Variants in GPM6B observed in about 807,000 individuals in gnomAD.
The protein encoded by GPM6B is neuronal membrane glycoprotein M6-b.
Under a neutral mutation model 27.2 loss-of-function variants are expected in GPM6B, and 4 were observed. The ratio of observed to expected loss-of-function variants is 0.15; its 90% CI spans 0.07 to 0.34. The LOEUF (loss-of-function observed/expected upper bound fraction) is 0.34, where lower values mean the gene tolerates loss of function less well. Among genes scored for constraint, GPM6B ranks in the 10% least tolerant of loss-of-function variants. The pLI is 1.00. For missense variants in GPM6B, 183 were observed against 261.9 expected, an observed-to-expected ratio of 0.70 and a Z score of 2.08; for synonymous variants, 124 against 103.1, an observed-to-expected ratio of 1.20 and a Z score of -1.23.
chrX:13,802,310 T>C (rs978976101), intron 2 of GPM6B, among the ~76,000 whole-genome samples: 2 of 110,560 alleles, frequency 1.8e-5, no homozygotes, highest in African/African-American at 6.6e-5. Flanking sequence ...AGATCAACAC[T>C]CAATACTCAT....
At chrX:13,774,783 A>C (rs1330620272) in intron 7 of GPM6B, among the ~76,000 whole-genome samples, 1 of 111,894 alleles carries the variant, frequency 8.9e-6, no homozygotes, top group Non-Finnish European at 1.9e-5. Flanking sequence ...TAGCACACAC[A>C]AACTTTTTCT....
intron 1 of GPM6B, among the ~76,000 whole-genome samples, chrX:13,895,793 A>T (rs1435513191): frequency 9.1e-6 from 1 of 110,076 alleles, no homozygotes; most frequent in African/African-American, 3.3e-5. Context: ...CTTGGGGCAG[A>T]AACAGTAGGA....
rs751642623 is a variant in GPM6B, at chrX:13,842,913, TAACA to T, written c.-197-57109_-197-57106del. On this transcript the variant is annotated intron_variant, in intron 1 of 6. Transcript: ENST00000398361. ...ACGATGAAGCCAAAACTCATTTTTT[TAACA>T]AACACCTTTATTATCATTGACATAC... 4.7e-3 allele frequency among the ~76,000 whole-genome samples: 526 copies of T among 111,939 alleles called. 3 individuals are homozygous for T. The highest frequency in any genetic ancestry group is 0.016 in the African/African-American group (492 of 30,784).
chrX:13,857,328 A>G (rs1401276700), intron 1 of GPM6B, among the ~76,000 whole-genome samples: 2 of 112,337 alleles, frequency 1.8e-5, no homozygotes, highest in Non-Finnish European at 3.8e-5. Context: ...GTGAGGCAAT[A>G]ATTACTAGCC....
intron 1 of GPM6B, among the ~76,000 whole-genome samples, chrX:13,908,663 A>G (rs1255487203): frequency 8.9e-6 from 1 of 112,588 alleles, no homozygotes; most frequent in Non-Finnish European, 1.9e-5. Flanking sequence ...TACTAAGATT[A>G]TGTAAGTTGT....
chrX:13,880,804 C>T (rs1307358185), intron 1 of GPM6B, among the ~76,000 whole-genome samples: 1 of 110,526 alleles, frequency 9.0e-6, no homozygotes, highest in Admixed American at 9.6e-5. Flanking sequence ...CCCCTGCCTG[C>T]TTATTGACCT....
chrX:13,820,603 G>A (rs1169342442), upstream of GPM6B, among the ~76,000 whole-genome samples: 1 of 110,679 alleles, frequency 9.0e-6, no homozygotes, highest in Non-Finnish European at 1.9e-5. Context: ...CTTCTCAGGG[G>A]ACTCTCCCTG....
At chrX:13,811,038 G>A (rs976985552) in intron 1 of GPM6B, among the ~76,000 whole-genome samples, 2 of 112,334 alleles carry the variant, frequency 1.8e-5, no homozygotes, top group African/African-American at 6.5e-5. Flanking sequence ...ATTCCAAGAG[G>A]ATGCCTTGGC....
intron 1 of GPM6B, among the ~76,000 whole-genome samples, chrX:13,878,380 G>C (rs1191960042): frequency 3.6e-5 from 4 of 110,612 alleles, no homozygotes; most frequent in Non-Finnish European, 7.6e-5. Flanking sequence ...GAACAGAGCA[G>C]AGGGGTCTGG....
At chrX:13,845,655 T>C (rs2049637215) in intron 1 of GPM6B, among the ~76,000 whole-genome samples, 2 of 111,815 alleles carry the variant, frequency 1.8e-5, no homozygotes, top group African/African-American at 6.5e-5. Context: ...ACCACTTCTA[T>C]GGGATGCTTT....
At chrX:13,823,346 G>A (rs997383227) in intron 1 of GPM6B, among the ~76,000 whole-genome samples, 3 of 111,994 alleles carry the variant, frequency 2.7e-5, no homozygotes, top group African/African-American at 6.5e-5. Context: ...GAGCACACAT[G>A]GAACCTCTGT....
intron 7 of GPM6B, chrX:13,773,698 T>C (rs2048346391): frequency 9.0e-6 from 1 of 111,444 alleles, no homozygotes; most frequent in Non-Finnish European, 1.9e-5. Flanking sequence ...CTTTCCTATT[T>C]TCCTCGTATT....
At chrX:13,827,000 C>T (rs1242334198) in intron 1 of GPM6B, among the ~76,000 whole-genome samples, 1 of 110,232 alleles carries the variant, frequency 9.1e-6, no homozygotes, top group African/African-American at 3.3e-5. Context: ...GTTTAACCGC[C>T]GTTATTGGAA....
intron 7 of GPM6B, among the ~76,000 whole-genome samples, chrX:13,775,211 G>T (rs2048388918): frequency 8.9e-6 from 1 of 112,712 alleles, no homozygotes; most frequent in South Asian, 3.6e-4. Context: ...TTATACAGTT[G>T]ATTTTCATTA....
At chrX:13,794,183 TCTC>T (rs1172737999) in intron 2 of GPM6B, among the ~76,000 whole-genome samples, 7 of 106,612 alleles carry the variant, frequency 6.6e-5, no homozygotes, top group African/African-American at 2.5e-4. Context: ...TCTCTCTCTC[TCTC>T]TTTTTTTTTT....
chrX:13,781,685 T>C (rs974315249), intron 4 of GPM6B, among the ~76,000 whole-genome samples: 15 of 111,642 alleles, frequency 1.3e-4, no homozygotes, highest in Middle Eastern at 4.6e-3. Flanking sequence ...GGAAGCCCCC[T>C]CCCTGCTTCG....
chrX:13,824,549 T>C (rs956622713), intron 1 of GPM6B, among the ~76,000 whole-genome samples: 1 of 111,393 alleles, frequency 9.0e-6, no homozygotes, highest in Non-Finnish European at 1.9e-5. Flanking sequence ...ATCAGAGCTG[T>C]TTTAGGAAAA....
At chrX:13,883,915 T>C (rs747969636) in intron 1 of GPM6B, among the ~76,000 whole-genome samples, 106 of 111,279 alleles carry the variant, frequency 9.5e-4, no homozygotes, top group African/African-American at 1.6e-3. Flanking sequence ...TGGTAGCTCA[T>C]GCCTGTAATC....
At chrX:13,847,289 C>G (rs535344995) in intron 1 of GPM6B, among the ~76,000 whole-genome samples, 1 of 111,796 alleles carries the variant, frequency 8.9e-6, no homozygotes, top group African/African-American at 3.2e-5. Flanking sequence ...ATCCAAACAA[C>G]TTTTAATTAT....
Sources: gnomAD v4.1 joint callset for allele counts (sites outside exome capture counted in the v4.1 genomes callset) on GRCh38, gnomAD v4.1.1 for gene constraint, MANE v1.5 for transcripts, NCBI Gene and HGNC (gene_info 2026-07-23, HGNC 2026-07-21) for gene names.